Variants in XKR6 observed in about 807,000 individuals in gnomAD.
The protein encoded by XKR6 is XK-related protein 6.
Under a neutral mutation model 56.7 loss-of-function variants are expected in XKR6, and 22 were observed. That is an observed-to-expected ratio of 0.39 (90% confidence interval 0.28 to 0.55). XKR6 has a LOEUF of 0.55. Among genes scored for constraint, XKR6 ranks in the 20% least tolerant of loss-of-function variants. The pLI is 0.66. For synonymous variants in XKR6, 524 were observed against 387.8 expected, an observed-to-expected ratio of 1.35 and a Z score of -4.13; for missense variants, 852 against 889.0, an observed-to-expected ratio of 0.96 and a Z score of 0.53.
intron 1 of XKR6, among the ~76,000 whole-genome samples, chr8:11,170,052 T>C (rs2117042728): frequency 6.6e-6 from 1 of 152,288 alleles, no homozygotes; most frequent in East Asian, 1.9e-4. Flanking sequence ...ACGTTAGATC[T>C]AAGTTGAACA....
At chr8:10,997,162 G>A (rs1201082651) in intron 1 of XKR6, among the ~76,000 whole-genome samples, 1 of 152,008 alleles carries the variant, frequency 6.6e-6, no homozygotes, top group African/African-American at 2.4e-5. Context: ...TAGCTTTTAT[G>A]TATGCTTTAT....
intron 1 of XKR6, among the ~76,000 whole-genome samples, chr8:10,930,295 C>G (rs972984053): frequency 7.2e-5 from 11 of 152,238 alleles, no homozygotes; most frequent in Non-Finnish European, 1.6e-4. Flanking sequence ...AAGCCCCAAA[C>G]AGGGGTAAGC....
intron 1 of XKR6, among the ~76,000 whole-genome samples, chr8:11,185,397 T>G (rs542740818): frequency 6.6e-6 from 1 of 152,350 alleles, no homozygotes; most frequent in African/African-American, 2.4e-5. Flanking sequence ...AATTAGCCTA[T>G]GGGAAAACTG....
chr8:10,910,923 G>A (rs1302154089), intron 2 of XKR6, among the ~76,000 whole-genome samples: 1 of 152,196 alleles, frequency 6.6e-6, no homozygotes, highest in Admixed American at 6.5e-5. Context: ...GGAGATGGCC[G>A]TCTGCTTTCC....
intron 1 of XKR6, among the ~76,000 whole-genome samples, chr8:11,038,167 A>G (rs1457917274): frequency 6.6e-6 from 1 of 152,232 alleles, no homozygotes; most frequent in Non-Finnish European, 1.5e-5. Context: ...AGCAAGTGAC[A>G]TTCTAAGTTT....
chr8:11,126,179 C>T (rs1028972014), intron 1 of XKR6: 1 of 152,266 alleles, frequency 6.6e-6, no homozygotes, highest in Non-Finnish European at 1.5e-5. Flanking sequence ...AACTATTCTC[C>T]TGCCTCAGCC....
intron 1 of XKR6, among the ~76,000 whole-genome samples, chr8:11,197,945 A>C (rs1010769097): frequency 6.6e-6 from 1 of 152,238 alleles, no homozygotes; most frequent in African/African-American, 2.4e-5. Flanking sequence ...GGGTTAATGG[A>C]ATCAGTTTTG....
intron 1 of XKR6, among the ~76,000 whole-genome samples, chr8:11,061,773 G>T (rs1233955764): frequency 6.6e-6 from 1 of 152,190 alleles, no homozygotes; most frequent in Admixed American, 6.5e-5. Flanking sequence ...TTGGCCCAAA[G>T]AATGAGAAGA....
chr8:11,071,161 G>A (rs1173087925), intron 1 of XKR6, among the ~76,000 whole-genome samples: 1 of 152,216 alleles, frequency 6.6e-6, no homozygotes, highest in Non-Finnish European at 1.5e-5. Flanking sequence ...CAGTGAGGTG[G>A]TGTGAGGTCT....
intron 1 of XKR6, among the ~76,000 whole-genome samples, chr8:10,930,372 A>T (rs895138874): frequency 6.6e-6 from 1 of 152,210 alleles, no homozygotes; most frequent in African/African-American, 2.4e-5. Context: ...TCTACCAAAC[A>T]GAGTAGAAAT....
chr8:11,077,746 T>A (rs1458866772), intron 1 of XKR6, among the ~76,000 whole-genome samples: 1 of 152,198 alleles, frequency 6.6e-6, no homozygotes, highest in Non-Finnish European at 1.5e-5. Context: ...TCTTCCCAGC[T>A]GCAAGAATGC....
intron 1 of XKR6, among the ~76,000 whole-genome samples, chr8:11,186,317 T>C (rs532110645): frequency 1.3e-5 from 2 of 152,334 alleles, no homozygotes; most frequent in Admixed American, 6.5e-5. Context: ...GATCTAGGTA[T>C]GGTCCACGGC....
At chr8:11,143,940 C>T (rs1387655516) in intron 1 of XKR6, among the ~76,000 whole-genome samples, 1 of 152,152 alleles carries the variant, frequency 6.6e-6, no homozygotes, top group African/African-American at 2.4e-5. Context: ...TTCCTTGGCT[C>T]ACAAACAGCC....
intron 1 of XKR6, among the ~76,000 whole-genome samples, chr8:11,179,020 C>CTTTTT (rs35214787): frequency 3.0e-4 from 31 of 104,488 alleles, no homozygotes; most frequent in East Asian, 4.5e-4. Flanking sequence ...TTTTCTTTTT[C>CTTTTT]TTTTTTTTTT....
intron 1 of XKR6, among the ~76,000 whole-genome samples, chr8:10,997,604 G>A (rs555366779): frequency 6.6e-6 from 1 of 152,204 alleles, no homozygotes; most frequent in Non-Finnish European, 1.5e-5. Flanking sequence ...GGGAGAGAAT[G>A]TGCCAGGGCA....
chr8:10,910,276 T>G (rs543271767), intron 2 of XKR6, among the ~76,000 whole-genome samples: 1 of 103,306 alleles, frequency 9.7e-6, no homozygotes, highest in South Asian at 4.2e-4. Context: ...TCCTCAATGT[T>G]CTAAATCAAT....
At chr8:11,138,605 C>A (rs1377728362) in intron 1 of XKR6, 1 of 152,156 alleles carries the variant, frequency 6.6e-6, no homozygotes, top group East Asian at 1.9e-4. Context: ...TAATTTTAAT[C>A]CTCCCTCCTG....
At chr8:10,961,156 G>A (rs1385384616) in intron 1 of XKR6, among the ~76,000 whole-genome samples, 2 of 152,160 alleles carry the variant, frequency 1.3e-5, no homozygotes, top group East Asian at 1.9e-4. Context: ...AATCCCAGCA[G>A]AAGAAGTTGC....
At chr8:11,179,005 G>A (rs1182981663) in intron 1 of XKR6, among the ~76,000 whole-genome samples, 1 of 146,590 alleles carries the variant, frequency 6.8e-6, no homozygotes, top group East Asian at 2.0e-4. Context: ...ACCACACCTG[G>A]CTAATTTTCT....
Sources: gnomAD v4.1 joint callset for allele counts (sites outside exome capture counted in the v4.1 genomes callset) on GRCh38, gnomAD v4.1.1 for gene constraint, MANE v1.5 for transcripts, NCBI Gene and HGNC (gene_info 2026-07-23, HGNC 2026-07-21) for gene names.